The following ANKRD11 variants were observed in gnomAD, a reference collection of about 807,000 sequenced individuals.
ANKRD11 encodes the protein ankyrin repeat domain-containing protein 11.
Under a neutral mutation model 195.7 loss-of-function variants are expected in ANKRD11, and 17 were observed. The ratio of observed to expected loss-of-function variants is 0.09; its 90% CI spans 0.06 to 0.13. The LOEUF (loss-of-function observed/expected upper bound fraction) is 0.13, where lower values mean the gene tolerates loss of function less well. Among genes scored for constraint, ANKRD11 ranks in the 10% least tolerant of loss-of-function variants. The pLI is 1.00. For synonymous variants in ANKRD11, 1,953 were observed against 1,528.1 expected (o/e 1.28, Z -6.49); for missense variants, 3,735 against 3,566.1 (o/e 1.05, Z -1.21).
chr16:89,447,121 G>A (rs551959337), intron 1 of ANKRD11, among the ~76,000 whole-genome samples: 32 of 151,996 alleles, frequency 2.1e-4, no homozygotes, highest in African/African-American at 7.5e-4. Context: ...CAAAGGGCAC[G>A]TCCATCGTTC....
At chr16:89,477,122 G>A (rs2057285763) in intron 1 of ANKRD11, among the ~76,000 whole-genome samples, 1 of 151,716 alleles carries the variant, frequency 6.6e-6, no homozygotes. Context: ...GAGAGAATTA[G>A]CTAGTTAAAT....
At chr16:89,308,487 C>G (rs1387596362) in intron 3 of ANKRD11, among the ~76,000 whole-genome samples, 1 of 152,152 alleles carries the variant, frequency 6.6e-6, no homozygotes, top group Non-Finnish European at 1.5e-5. Context: ...AGAAAATATC[C>G]AAATAAGACA....
intron 6 of ANKRD11, 116 bp from the exon 7 acceptor site, chr16:89,288,786 C>A (rs1567589080): frequency 8.9e-6 from 13 of 1,468,342 alleles, no homozygotes; most frequent in Non-Finnish European, 1.0e-5. Context: ...TGGGGAGCTG[C>A]CCTGTAGTGA....
chr16:89,415,758 G>A (rs1325095946), intron 2 of ANKRD11, among the ~76,000 whole-genome samples: 2 of 145,480 alleles, frequency 1.4e-5, no homozygotes, highest in Non-Finnish European at 3.0e-5. Flanking sequence ...AATCTGGGAG[G>A]TGGAGGTTGC....
In ANKRD11 at chr16:89,471,436, G is replaced by A. The variant is rs1200302385; in HGVS notation, c.-145+18809C>T. Reference sequence around the variant, plus strand: ...GAGTCCACAGGAAGTGATTCTCTTTGCTAGAGGCTGCTCTGAGAAAAAGCT... The same window carrying A: ...GAGTCCACAGGAAGTGATTCTCTTTACTAGAGGCTGCTCTGAGAAAAAGCT... On this transcript the variant is annotated intron_variant, in intron 1 of 12. Coordinates refer to ENST00000301030, the MANE Select transcript of ANKRD11 (RefSeq NM_013275.6). Among the ~76,000 whole-genome samples, 7 of 152,198 alleles carry A rather than the reference G, an allele frequency of 4.6e-5. No individual in the cohort carries two copies. In the South Asian group the frequency reaches 1.5e-3, roughly 32 times the overall value.
chr16:89,417,978 T>C (rs2152231644), intron 2 of ANKRD11, among the ~76,000 whole-genome samples: 1 of 152,338 alleles, frequency 6.6e-6, no homozygotes, highest in East Asian at 1.9e-4. Flanking sequence ...CATCTGAGGA[T>C]GAAGAAAATT....
At chr16:89,462,667 CG>C (rs1317841415) in intron 1 of ANKRD11, among the ~76,000 whole-genome samples, 1 of 151,374 alleles carries the variant, frequency 6.6e-6, no homozygotes, top group Non-Finnish European at 1.5e-5. Flanking sequence ...AAGTGAGGAG[CG>C]TCTCTGCCCG....
intron 1 of ANKRD11, among the ~76,000 whole-genome samples, chr16:89,436,836 T>C (rs1169857050): frequency 6.6e-6 from 1 of 152,242 alleles, no homozygotes; most frequent in African/African-American, 2.4e-5. Context: ...CCCTGAAGGT[T>C]GGACAATGGT....
In ANKRD11 at chr16:89,281,083, C is replaced by T. The variant is rs2034193542; in HGVS notation, c.5459G>A (p.Ser1820Asn). ...CGAGGGTGGCATGGGAGAGTCGTAGCTGGAGGCAGCAGGAACGCTCTGCTG... is the reference window on the plus strand; with the variant it reads ...CGAGGGTGGCATGGGAGAGTCGTAGTTGGAGGCAGCAGGAACGCTCTGCTG... ...FRQQSVPAAS[S>N]YDSPMPPSME... Residue 1820 changes from serine (S) to asparagine (N), a missense_variant, in exon 9 of 13, where the codon AGC (serine) becomes AAC (asparagine). Physicochemically the swap from Ser to Asn is conservative, Grantham distance 46 (BLOSUM62 1). Coordinates refer to ENST00000301030, the MANE Select transcript of ANKRD11 (RefSeq NM_013275.6). This position sits in a 1 kb window ranked among gnomAD's most constrained non-coding sequence, Gnocchi z 5.5. 7 of 1,609,256 alleles carry T rather than the reference C, an allele frequency of 4.3e-6. No individual in the cohort carries two copies. Among genetic ancestry groups the T allele is most frequent in the Non-Finnish European group, 6.0e-6 (7 of 1,176,376 alleles).
At chr16:89,323,191 A>G in intron 2 of ANKRD11, 1 of 685,900 alleles carries the variant, frequency 1.5e-6, no homozygotes, top group Non-Finnish European at 2.2e-6. Context: ...CACACCTCAC[A>G]GGGAGAGAAG....
At chr16:89,406,109 C>CA (rs1232899595) in intron 2 of ANKRD11, among the ~76,000 whole-genome samples, 4,277 of 48,526 alleles carry the variant, frequency 0.088, 286 homozygotes, top group African/African-American at 0.21. Flanking sequence ...GATTCCATCT[C>CA]AAAAAAAAAA....
intron 2 of ANKRD11, among the ~76,000 whole-genome samples, chr16:89,389,689 A>G (rs577106839): frequency 6.6e-6 from 1 of 152,294 alleles, no homozygotes; most frequent in African/African-American, 2.4e-5. Flanking sequence ...ATGAGCAAAA[A>G]CACTGAGTGT....
chr16:89,473,308 T>C lies in ANKRD11; in HGVS notation c.-145+16937A>G, dbSNP rs543476386. ...AGAACTCTGATGAGTCCATACTTAC[T>C]ACTGAAAATAACCAATCTCTGCCTA... On this transcript the variant is annotated intron_variant, in intron 1 of 12. Transcript: ENST00000301030. Among the ~76,000 whole-genome samples, 3 of 152,286 alleles carry C rather than the reference T, an allele frequency of 2.0e-5. No individual in the cohort carries two copies. In the East Asian group the frequency reaches 5.8e-4, roughly 29 times the overall value.
rs748798826 is a variant in ANKRD11, at chr16:89,284,158, A to C, written c.2384T>G (p.Phe795Cys). The C allele has an allele frequency of 3.7e-6, 6 of 1,604,570 alleles. No individual in the cohort carries two copies. The Admixed American group carries it at 5.2e-5, about 14-fold the overall frequency. Residue 795 changes from phenylalanine to cysteine, a missense_variant, in exon 9 of 13, where the codon TTT (phenylalanine) becomes TGT (cysteine). By Grantham distance (205) the Phe-to-Cys change is radical (BLOSUM62 -2). Transcript: ENST00000301030. ...TTTGAGTTTTTCTTTATCTTCTTTA[A>C]AAATCTTCTCCTTCTCTTTTGAAAT... ...DKISKEKEKI[F>C]KEDKEKLKKE...
intron 1 of ANKRD11, among the ~76,000 whole-genome samples, chr16:89,438,356 G>T (rs530587148): frequency 6.6e-5 from 10 of 151,172 alleles, no homozygotes; most frequent in African/African-American, 2.2e-4. Context: ...GTCTCACTCT[G>T]TTGCCCAGGC....
chr16:89,283,818 C>T lies in ANKRD11; in HGVS notation c.2724G>A (p.Lys908=), dbSNP rs1350204354. ...AGTTTTTATCCAAATAGTCCCTGTCCTTCTTTCGGAAGAAGGGCTCTCTGT... is the reference window on the plus strand; with the variant it reads ...AGTTTTTATCCAAATAGTCCCTGTCTTTCTTTCGGAAGAAGGGCTCTCTGT... ...RDYREPFFRK[K]DRDYLDKNSE... The change falls in exon 9 of 13, where the codon AAG becomes AAA. Residue 908 remains lysine, a synonymous_variant. Coordinates refer to ENST00000301030, the MANE Select transcript of ANKRD11 (RefSeq NM_013275.6). This position sits in a 1 kb window ranked among gnomAD's most constrained non-coding sequence, Gnocchi z 4.3. The T allele has an allele frequency of 1.9e-6, 3 of 1,614,046 alleles. No homozygotes were observed. Among genetic ancestry groups the T allele is most frequent in the Non-Finnish European group, 2.5e-6 (3 of 1,180,050 alleles).
Position 89,285,256 on chromosome 16 carries a change from G to A in ANKRD11, c.1286C>T (p.Ser429Leu), listed in dbSNP as rs370109948. The A allele has an allele frequency of 9.9e-6, 16 of 1,613,536 alleles. No homozygotes were observed. The highest frequency in any genetic ancestry group is 4.0e-5 in the African/African-American group (3 of 74,854). Residue 429 changes from serine (S) to leucine (L), a missense_variant, in exon 9 of 13, where the codon TCG (serine) becomes TTG (leucine). Ser to Leu is a moderately radical substitution (Grantham distance 145, BLOSUM62 -2). Coordinates refer to ENST00000301030, the MANE Select transcript of ANKRD11 (RefSeq NM_013275.6). This position sits in a 1 kb window ranked among gnomAD's most constrained non-coding sequence, Gnocchi z 5.6. ...TVGTGEKLRL[S>L]AHTILPGSKT... ...ACTACCAGGCAATATCGTATGTGCC[G>A]AGAGTCTCAGCTTCTCTCCTGTCCC...
intron 4 of ANKRD11, chr16:89,299,217 A>G (rs2151839726): frequency 6.1e-6 from 1 of 163,098 alleles, no homozygotes; most frequent in Non-Finnish European, 1.3e-5. Context: ...GGAAGGAGAT[A>G]GTGTGGAAGT....
chr16:89,431,610 T>C (rs935966831), intron 1 of ANKRD11, among the ~76,000 whole-genome samples: 1 of 152,152 alleles, frequency 6.6e-6, no homozygotes, highest in African/African-American at 2.4e-5. Context: ...GAACTTTGTT[T>C]CCATTTTGTT....
Sources: gnomAD v4.1 joint callset for allele counts (sites outside exome capture counted in the v4.1 genomes callset) on GRCh38, gnomAD v4.1.1 for gene constraint, Gnocchi (gnomAD v3.1) non-coding constraint, MANE v1.5 for transcripts, NCBI Gene and HGNC (gene_info 2026-07-23, HGNC 2026-07-21) for gene names.